MYOZ2: variants seen among roughly 807,000 people sequenced by gnomAD.
The protein encoded by MYOZ2 is myozenin 2.
MYOZ2 carries 19 observed loss-of-function variants against 25.4 expected under a neutral mutation model. The ratio of observed to expected loss-of-function variants is 0.75; its 90% CI spans 0.52 to 1.10. MYOZ2 has a LOEUF of 1.10. MYOZ2 is among the 50% of genes least tolerant of loss of function. MYOZ2 has a pLI of 0.00. For missense variants in MYOZ2, 270 were observed against 317.9 expected (o/e 0.85, Z 1.15); for synonymous variants, 92 against 106.9 (o/e 0.86, Z 0.86).
At chr4:119,162,720 G>T (rs1012869102) in intron 4 of MYOZ2, among the ~76,000 whole-genome samples, 7 of 152,172 alleles carry the variant, frequency 4.6e-5, no homozygotes, top group Admixed American at 1.3e-4. Flanking sequence ...ACAATAATAT[G>T]AGAGCCACTA....
At chr4:119,148,904 T>C (rs1156939007) in intron 2 of MYOZ2, among the ~76,000 whole-genome samples, 2 of 152,112 alleles carry the variant, frequency 1.3e-5, no homozygotes, top group African/African-American at 4.8e-5. Flanking sequence ...CATCCCAGTG[T>C]TGGCATTTGA....
chr4:119,150,776 A>C, intron 2 of MYOZ2, 96 bp from the exon 3 acceptor site: 1 of 1,238,486 alleles, frequency 8.1e-7, no homozygotes, highest in Middle Eastern at 2.1e-4. Flanking sequence ...ATGATTATGC[A>C]ATTAGAAAGT....
intron 3 of MYOZ2, among the ~76,000 whole-genome samples, chr4:119,154,833 T>G (rs1238864861): frequency 6.8e-6 from 1 of 146,454 alleles, no homozygotes; most frequent in Non-Finnish European, 1.5e-5. Context: ...AGGAGCTGAG[T>G]TCAAAATGCA....
chr4:119,137,351 C>T (rs1487142122), intron 2 of MYOZ2, among the ~76,000 whole-genome samples: 4 of 152,082 alleles, frequency 2.6e-5, no homozygotes, highest in African/African-American at 7.2e-5. Context: ...TTATAAGCAA[C>T]GTATAGCATC....
Position 119,148,039 on chromosome 4 carries a change from A to G in MYOZ2, c.77-2833A>G, listed in dbSNP as rs549043777. Among the ~76,000 whole-genome samples the G allele has an allele frequency of 1.7e-3, 253 of 152,266 alleles. 1 individual carries two copies. The highest frequency in any genetic ancestry group is 2.9e-3 in the Non-Finnish European group (198 of 68,012). On this transcript the variant is annotated intron_variant, in intron 2 of 5. Transcript: ENST00000307128. ...TTCTTTTAGGGTAGGCTTTCAGGCA[A>G]CAAATTCTCTTAGTTTTCCTTCATC...
At chr4:119,177,742 A>C (rs1253667194) in intron 5 of MYOZ2, among the ~76,000 whole-genome samples, 1 of 152,166 alleles carries the variant, frequency 6.6e-6, no homozygotes, top group African/African-American at 2.4e-5. Flanking sequence ...CTCTAATTGC[A>C]TACTGATTCC....
intron 3 of MYOZ2, 82 bp downstream of exon 3, chr4:119,151,123 G>A (rs1741441627): frequency 2.2e-6 from 3 of 1,343,228 alleles, no homozygotes; most frequent in African/African-American, 1.5e-5. Context: ...TCTGAAGGAA[G>A]TATTCTATAT....
chr4:119,152,829 T>C (rs1444203053), intron 3 of MYOZ2, among the ~76,000 whole-genome samples: 1 of 152,142 alleles, frequency 6.6e-6, no homozygotes, highest in East Asian at 1.9e-4. Context: ...GTGATGAATT[T>C]TACTCTTCTT....
rs1374703553 is a variant in MYOZ2, at chr4:119,136,615, T to A, written c.76+14T>A. The stretch of plus-strand genomic sequence containing the variant: ...TCCATGGAAATGGTATCAATAAAAA[T>A]CCTTCGTAGCATTAATATAGCACAG... On this transcript the variant is annotated intron_variant, in intron 2 of 5. Coordinates refer to ENST00000307128, the MANE Select transcript of MYOZ2 (RefSeq NM_016599.5). 1 of 1,608,684 alleles carries A rather than the reference T, an allele frequency of 6.2e-7. No individual in the cohort carries two copies. Among genetic ancestry groups the A allele is most frequent in the Non-Finnish European group, 8.5e-7 (1 of 1,175,594 alleles).
intron 2 of MYOZ2, among the ~76,000 whole-genome samples, chr4:119,144,295 T>G (rs946406126): frequency 1.3e-5 from 2 of 152,234 alleles, no homozygotes; most frequent in African/African-American, 4.8e-5. Context: ...TCTCAATGAT[T>G]TGTTCCCTTT....
chr4:119,158,200 T>C, intron 4 of MYOZ2, 49 bp downstream of exon 4: 2 of 1,594,642 alleles, frequency 1.3e-6, no homozygotes, highest in South Asian at 2.2e-5. Flanking sequence ...GTGTACCTAA[T>C]GATATGACTC....
Position 119,177,812 on chromosome 4 carries a change from T to G in MYOZ2, c.561-8154T>G, listed in dbSNP as rs11937768. 6.8e-4 allele frequency among the ~76,000 whole-genome samples: 103 copies of G among 152,324 alleles called. 1 individual carries two copies. Among genetic ancestry groups the G allele is most frequent in the African/African-American group, 2.5e-3 (102 of 41,562 alleles). On this transcript the variant is annotated intron_variant, in intron 5 of 5. Coordinates refer to ENST00000307128, the MANE Select transcript of MYOZ2 (RefSeq NM_016599.5). ...ATTATTCCTTCTCTTGCAGCATCAT[T>G]TGTTTTTCTCTCTATTGGGTTATTC...
intron 3 of MYOZ2, among the ~76,000 whole-genome samples, chr4:119,153,658 C>A (rs1042197049): frequency 1.3e-5 from 2 of 151,890 alleles, no homozygotes; most frequent in African/African-American, 4.8e-5. Flanking sequence ...TGTTGAAGAC[C>A]TCATATAAAT....
rs771752923 is a variant in MYOZ2, at chr4:119,164,256, C to A, written c.422C>A (p.Thr141Asn). ...LKEIPPEKFNTTAVPKYYQSP... is the reference protein window; with the variant it reads ...LKEIPPEKFNNTAVPKYYQSP... ...GAAATTCCTCCTGAAAAATTCAACA[C>A]CACAGCTGTCCCTAAGTACTATCAA... The change falls in exon 5 of 6, where the codon ACC becomes AAC. Residue 141 changes from threonine (T) to asparagine (N), a missense_variant. Physicochemically the swap from Thr to Asn is moderately conservative, Grantham distance 65. Transcript: ENST00000307128. 1 of 1,614,024 alleles carries A rather than the reference C, an allele frequency of 6.2e-7. No individual in the cohort carries two copies. Among genetic ancestry groups the A allele is most frequent in the South Asian group, 1.1e-5 (1 of 91,080 alleles).
At chr4:119,181,550 T>C (rs1742184755) in intron 5 of MYOZ2, among the ~76,000 whole-genome samples, 1 of 152,242 alleles carries the variant, frequency 6.6e-6, no homozygotes, top group African/African-American at 2.4e-5. Context: ...ACCATGACTT[T>C]CATTTCCACT....
chr4:119,176,729 A>G (rs1742080407), intron 5 of MYOZ2, among the ~76,000 whole-genome samples: 1 of 152,360 alleles, frequency 6.6e-6, no homozygotes, highest in South Asian at 2.1e-4. Flanking sequence ...AAGAACTTAC[A>G]TTATCATTCA....
At chr4:119,185,096 T>C (rs1742262137) in intron 5 of MYOZ2, among the ~76,000 whole-genome samples, 1 of 151,700 alleles carries the variant, frequency 6.6e-6, no homozygotes, top group Admixed American at 6.6e-5. Context: ...TCTTCTCCCC[T>C]CTCCCTTCCC....
chr4:119,141,727 C>A (rs1286173519), intron 2 of MYOZ2, among the ~76,000 whole-genome samples: 3 of 152,066 alleles, frequency 2.0e-5, no homozygotes, highest in Admixed American at 6.5e-5. Flanking sequence ...ACCTTCTAAG[C>A]CATGAAGGCA....
Position 119,138,748 on chromosome 4 carries a change from T to C in MYOZ2, c.76+2147T>C, listed in dbSNP as rs376654019. The stretch of plus-strand genomic sequence containing the variant: ...TTTTTTTTCAGCCTCATAACTCATT[T>C]AATTTTTATTACTACTTACCAAAAC... On this transcript the variant is annotated intron_variant, in intron 2 of 5. Coordinates refer to ENST00000307128, the MANE Select transcript of MYOZ2 (RefSeq NM_016599.5). 9.8e-5 allele frequency among the ~76,000 whole-genome samples: 15 copies of C among 152,314 alleles called. 1 individual carries two copies. In the East Asian group the frequency reaches 2.5e-3, roughly 25 times the overall value.
Sources: gnomAD v4.1 joint callset for allele counts (sites outside exome capture counted in the v4.1 genomes callset) on GRCh38, gnomAD v4.1.1 for gene constraint, MANE v1.5 for transcripts, NCBI Gene and HGNC (gene_info 2026-07-23, HGNC 2026-07-21) for gene names.